CALN1: variants seen among roughly 807,000 people sequenced by gnomAD.
The protein encoded by CALN1 is calcium-binding protein 8.
Under a neutral mutation model 30.6 loss-of-function variants are expected in CALN1, and 17 were observed. That is an observed-to-expected ratio of 0.56 (90% CI 0.38 to 0.83). CALN1 has a LOEUF of 0.83. Among genes scored for constraint, CALN1 ranks in the 40% least tolerant of loss-of-function variants. The probability of loss-of-function intolerance (pLI) is 0.00; values close to 1 mark genes in which losing one functional copy is unlikely to be tolerated. For missense variants in CALN1, 291 were observed against 354.9 expected (o/e 0.82, Z 1.45); for synonymous variants, 156 against 131.4 (o/e 1.19, Z -1.28).
chr7:72,469,728 C>T, the CALN1 span, among the ~76,000 whole-genome samples: 1 of 152,160 alleles, frequency 6.6e-6, no homozygotes, highest in Non-Finnish European at 1.5e-5. Context: ...AATTCTATCC[C>T]ATTGATAAAA....
chr7:71,838,284 A>AT (rs1311116603), intron 5 of CALN1, among the ~76,000 whole-genome samples: 3 of 152,182 alleles, frequency 2.0e-5, no homozygotes, highest in African/African-American at 4.8e-5. Flanking sequence ...TTAAGAGATC[A>AT]TTTTTTAAGT....
chr7:72,283,977 G>C (rs2129554389), intron 2 of CALN1, among the ~76,000 whole-genome samples: 1 of 152,206 alleles, frequency 6.6e-6, no homozygotes, highest in African/African-American at 2.4e-5. Flanking sequence ...CAAGGAACTG[G>C]TACATTTCTT....
intron 5 of CALN1, among the ~76,000 whole-genome samples, chr7:71,847,221 C>T (rs1257780875): frequency 6.6e-6 from 1 of 152,010 alleles, no homozygotes; most frequent in Non-Finnish European, 1.5e-5. Context: ...CCACTCAAAT[C>T]TCATCTTGAA....
At chr7:72,203,952 C>A (rs1474732490) in intron 3 of CALN1, among the ~76,000 whole-genome samples, 1 of 145,810 alleles carries the variant, frequency 6.9e-6, no homozygotes, top group African/African-American at 2.6e-5. Context: ...ATTTCCCATG[C>A]ATAGCCTTCA....
intron 4 of CALN1, among the ~76,000 whole-genome samples, chr7:72,063,429 T>C (rs1452759513): frequency 1.3e-5 from 2 of 152,184 alleles, no homozygotes; most frequent in Non-Finnish European, 2.9e-5. Flanking sequence ...GCTTTGCATA[T>C]TGTCCTGTGA....
At chr7:72,408,015 A>T (rs970158450) in intron 1 of CALN1, among the ~76,000 whole-genome samples, 2 of 152,192 alleles carry the variant, frequency 1.3e-5, no homozygotes, top group Non-Finnish European at 2.9e-5. Flanking sequence ...TAGGTATGCA[A>T]ATATGCACTG....
chr7:72,489,794 C>T, the CALN1 span, among the ~76,000 whole-genome samples: 19,979 of 152,184 alleles, frequency 0.13, 1,859 homozygotes, highest in East Asian at 0.35. Flanking sequence ...AGTTGTTGCA[C>T]CGTCTTCCTC....
At position 71,850,462 on chromosome 7, in the gene CALN1, C is replaced by T. The variant is rs111613564; in HGVS notation, c.502-39970G>A. On this transcript the variant is annotated intron_variant, in intron 5 of 6. Transcript: ENST00000395275. ...CGAACTCCTGACCTCAGATGATTCACCTGCCTTGGCTTCCCAAAGCGCTGG... is the reference window on the plus strand; with the variant it reads ...CGAACTCCTGACCTCAGATGATTCATCTGCCTTGGCTTCCCAAAGCGCTGG... 8.1e-4 allele frequency among the ~76,000 whole-genome samples: 123 copies of T among 152,328 alleles called. 1 individual carries two copies. The highest frequency in any genetic ancestry group is 2.9e-3 in the African/African-American group (122 of 41,578).
At position 72,117,099 on chromosome 7, in the gene CALN1, G is replaced by T. The variant is rs184625520; in HGVS notation, c.245-10805C>A. ...AGGCCAAGACAGGAGGATCATTTGAGACCAGGAATTCAAGACTAACCTGGG... is the reference window on the plus strand; with the variant it reads ...AGGCCAAGACAGGAGGATCATTTGATACCAGGAATTCAAGACTAACCTGGG... On this transcript the variant is annotated intron_variant, in intron 3 of 6. Coordinates refer to ENST00000395275, the MANE Select transcript of CALN1 (RefSeq NM_031468.4). Among the ~76,000 whole-genome samples the T allele has an allele frequency of 5.5e-4, 83 of 152,160 alleles. 1 individual carries two copies. Among genetic ancestry groups the T allele is most frequent in the Admixed American group, 4.8e-3 (74 of 15,278 alleles).
intron 5 of CALN1, among the ~76,000 whole-genome samples, chr7:71,962,618 G>C (rs1326064817): frequency 2.0e-5 from 3 of 152,190 alleles, no homozygotes; most frequent in Non-Finnish European, 1.5e-5. Flanking sequence ...GTGTGAGACT[G>C]ACTAAGAAGA....
chr7:72,367,019 A>ACAAC (rs1320395962), intron 2 of CALN1, among the ~76,000 whole-genome samples: 2 of 152,158 alleles, frequency 1.3e-5, no homozygotes, highest in African/African-American at 4.8e-5. Context: ...ACAACCTTCT[A>ACAAC]CAACCACATG....
At chr7:72,434,354 A>AAC (rs1665924171) in intron 1 of CALN1, among the ~76,000 whole-genome samples, 1 of 151,122 alleles carries the variant, frequency 6.6e-6, no homozygotes, top group South Asian at 2.1e-4. Context: ...ATACCAAAAA[A>AAC]AAAAAAAACA....
At chr7:72,453,496 A>C in the CALN1 span, among the ~76,000 whole-genome samples, 1 of 152,214 alleles carries the variant, frequency 6.6e-6, no homozygotes, top group African/African-American at 2.4e-5. Context: ...GCTGGTGGGC[A>C]TGTCTTATGG....
intron 3 of CALN1, among the ~76,000 whole-genome samples, chr7:72,243,286 A>G (rs1401299796): frequency 6.6e-6 from 1 of 152,204 alleles, no homozygotes; most frequent in Non-Finnish European, 1.5e-5. Context: ...CAAGAACTGA[A>G]TCAGCTGCCG....
chr7:72,076,529 C>T (rs1171713304), intron 4 of CALN1, among the ~76,000 whole-genome samples: 5 of 136,900 alleles, frequency 3.7e-5, no homozygotes, highest in Non-Finnish European at 7.7e-5. Context: ...ACCCGAGAGG[C>T]GGAGGTTACA....
intron 4 of CALN1, among the ~76,000 whole-genome samples, chr7:72,050,300 T>C (rs1802753983): frequency 6.6e-6 from 1 of 152,112 alleles, no homozygotes; most frequent in Non-Finnish European, 1.5e-5. Context: ...AAAATTTCAG[T>C]AGTACAATTG....
At chr7:72,272,380 G>A (rs1797055878) in intron 3 of CALN1, among the ~76,000 whole-genome samples, 1 of 152,066 alleles carries the variant, frequency 6.6e-6, no homozygotes, top group Non-Finnish European at 1.5e-5. Context: ...TGGCCAACAT[G>A]GCAAAAACCC....
At chr7:72,345,082 A>G (rs943866875) in intron 2 of CALN1, among the ~76,000 whole-genome samples, 1 of 148,636 alleles carries the variant, frequency 6.7e-6, no homozygotes. Flanking sequence ...TGTTATGTAT[A>G]ATTATACATG....
intron 3 of CALN1, among the ~76,000 whole-genome samples, chr7:72,213,592 TG>T (rs936582846): frequency 1.3e-5 from 2 of 152,100 alleles, no homozygotes; most frequent in Non-Finnish European, 2.9e-5. Flanking sequence ...ATAAAGCTGT[TG>T]GGGGAAAAAA....
Sources: gnomAD v4.1 joint callset for allele counts (sites outside exome capture counted in the v4.1 genomes callset) on GRCh38, gnomAD v4.1.1 for gene constraint, MANE v1.5 for transcripts, NCBI Gene and HGNC (gene_info 2026-07-23, HGNC 2026-07-21) for gene names.